Variants in FSTL5 observed in about 807,000 individuals in gnomAD.
FSTL5 encodes the protein follistatin like 5, also known as follistatin-related protein 5.
In FSTL5, 62 loss-of-function variants were observed where a neutral mutation model predicts 89.1. That is an observed-to-expected ratio of 0.70 (90% CI 0.57 to 0.86). FSTL5 has a LOEUF of 0.86. FSTL5 is among the 40% of genes least tolerant of loss of function. The pLI is 0.00. For synonymous variants in FSTL5, 383 were observed against 346.2 expected, an observed-to-expected ratio of 1.11 and a Z score of -1.18; for missense variants, 1,057 against 1,001.6, an observed-to-expected ratio of 1.06 and a Z score of -0.75.
intron 6 of FSTL5, among the ~76,000 whole-genome samples, chr4:161,742,619 A>C (rs1740065359): frequency 6.6e-6 from 1 of 152,218 alleles, no homozygotes; most frequent in African/African-American, 2.4e-5. Flanking sequence ...AATGGCAGTG[A>C]CGCGCCAGAA....
chr4:161,563,892 T>C (rs1316954847), intron 8 of FSTL5, among the ~76,000 whole-genome samples: 1 of 151,980 alleles, frequency 6.6e-6, no homozygotes, highest in African/African-American at 2.4e-5. Context: ...CCTTACTACA[T>C]GTAATTAAGC....
intron 6 of FSTL5, among the ~76,000 whole-genome samples, chr4:161,691,768 C>A (rs1737951902): frequency 6.6e-6 from 1 of 151,954 alleles, no homozygotes; most frequent in Non-Finnish European, 1.5e-5. Flanking sequence ...ATATTTTATT[C>A]TTTTAGATAC....
chr4:161,556,809 G>A lies in FSTL5; in HGVS notation c.1016-14116C>T, dbSNP rs1221132624. On this transcript the variant is annotated intron_variant, in intron 8 of 15. Transcript: ENST00000306100. ...TATACAAACTTAGTTCGTATTTCTC[G>A]GTAAAAGATTATATATATATGTGTG... Among the ~76,000 whole-genome samples, 5 of 138,318 alleles carry A rather than the reference G, an allele frequency of 3.6e-5. No individual in the cohort carries two copies. In the East Asian group the frequency reaches 8.0e-4, roughly 22 times the overall value. The allele number at this position is 138,318 out of a possible 152,430, so 90.7% of individuals were successfully genotyped here. A position where few individuals can be genotyped will look rare whatever the true frequency, so the allele number is the denominator to read the frequency against.
At chr4:161,882,926 G>A (rs1732681114) in intron 4 of FSTL5, among the ~76,000 whole-genome samples, 1 of 152,036 alleles carries the variant, frequency 6.6e-6, no homozygotes, top group Non-Finnish European at 1.5e-5. Flanking sequence ...GAATAGTTTG[G>A]ATTTATTTTA....
At chr4:161,992,372 T>G (rs1453779715) in intron 3 of FSTL5, among the ~76,000 whole-genome samples, 1 of 152,046 alleles carries the variant, frequency 6.6e-6, no homozygotes. Flanking sequence ...TTTGAATATG[T>G]TTTGAAGGTA....
At chr4:161,489,386 C>A (rs1729789609) in intron 12 of FSTL5, among the ~76,000 whole-genome samples, 1 of 151,336 alleles carries the variant, frequency 6.6e-6, no homozygotes, top group Admixed American at 6.6e-5. Flanking sequence ...GAGTTAGGTC[C>A]AAAAAATAGA....
intron 4 of FSTL5, among the ~76,000 whole-genome samples, chr4:161,871,712 A>G (rs1291192973): frequency 6.6e-6 from 1 of 152,160 alleles, no homozygotes; most frequent in Non-Finnish European, 1.5e-5. Flanking sequence ...TTCTTTTCCA[A>G]ACTGATTTAT....
chr4:161,997,697 C>T (rs1344416593), intron 3 of FSTL5, among the ~76,000 whole-genome samples: 2 of 151,510 alleles, frequency 1.3e-5, no homozygotes, highest in Non-Finnish European at 2.9e-5. Flanking sequence ...CTCCGCCTCC[C>T]GGGTGCACGC....
chr4:161,425,217 G>A (rs552829439), intron 15 of FSTL5, among the ~76,000 whole-genome samples: 1 of 152,198 alleles, frequency 6.6e-6, no homozygotes, highest in Non-Finnish European at 1.5e-5. Context: ...ATTATATGCT[G>A]TTAAAAGTTT....
chr4:161,542,991 T>C (rs1731884182), intron 8 of FSTL5, among the ~76,000 whole-genome samples: 1 of 151,652 alleles, frequency 6.6e-6, no homozygotes, highest in Non-Finnish European at 1.5e-5. Flanking sequence ...CAGAAACCAG[T>C]TAAAAGAGAC....
rs1491313878 is a variant in FSTL5, at chr4:161,872,140, G to GTTTT, written c.409+48263_409+48264insAAAA. ...GGCTTTGTAGTTTGTTTTTTTTTTT[G>GTTTT]GTTTTTTTTTTTTTTTTTGTAGAGA... On this transcript the variant is annotated intron_variant, in intron 4 of 15. Coordinates refer to ENST00000306100, the MANE Select transcript of FSTL5 (RefSeq NM_020116.5). Among the ~76,000 whole-genome samples the GTTTT allele has an allele frequency of 2.8e-3, 187 of 67,460 alleles. 4 individuals carry two copies. Among genetic ancestry groups the GTTTT allele is most frequent in the East Asian group, 5.6e-3 (11 of 1,980 alleles). The allele number at this position is 67,460 out of a possible 152,430, so 44.3% of individuals were successfully genotyped here.
intron 3 of FSTL5, among the ~76,000 whole-genome samples, chr4:161,927,920 C>T (rs914265041): frequency 6.6e-6 from 1 of 151,552 alleles, no homozygotes; most frequent in African/African-American, 2.4e-5. Context: ...CCCATATATT[C>T]CCTTCCCACA....
chr4:161,973,977 G>A (rs1350362698), intron 3 of FSTL5, among the ~76,000 whole-genome samples: 2 of 152,020 alleles, frequency 1.3e-5, no homozygotes, highest in Non-Finnish European at 1.5e-5. Context: ...GACAAACAGA[G>A]AGCCAAATCA....
chr4:161,572,728 C>G (rs1459401441), intron 8 of FSTL5, among the ~76,000 whole-genome samples: 1 of 152,030 alleles, frequency 6.6e-6, no homozygotes, highest in Non-Finnish European at 1.5e-5. Flanking sequence ...TAGCATTGTC[C>G]TATGTGATAC....
intron 8 of FSTL5, among the ~76,000 whole-genome samples, chr4:161,550,281 C>T (rs1732154274): frequency 6.6e-6 from 1 of 151,882 alleles, no homozygotes; most frequent in South Asian, 2.1e-4. Context: ...ACAATATACA[C>T]AAGCTTGCAC....
chr4:161,715,153 A>G (rs6852789), intron 6 of FSTL5, among the ~76,000 whole-genome samples: 84,504 of 152,004 alleles, frequency 0.56, 27,042 homozygotes, highest in Non-Finnish European at 0.71. Context: ...AGAAAAACAA[A>G]TACTGAAAAA....
At chr4:161,686,572 G>C (rs1007705542) in intron 6 of FSTL5, among the ~76,000 whole-genome samples, 2 of 150,666 alleles carry the variant, frequency 1.3e-5, no homozygotes, top group Admixed American at 1.3e-4. Context: ...GTGTTATCCA[G>C]GACGGTCTCG....
Position 161,384,585 on chromosome 4 carries a change from G to A in FSTL5, c.*1162C>T, listed in dbSNP as rs568287337. The A allele has an allele frequency of 2.6e-4, 40 of 152,176 alleles. No homozygotes were observed. Among genetic ancestry groups the A allele is most frequent in the African/African-American group, 8.9e-4 (37 of 41,548 alleles). The allele number at this position is 152,176 out of a possible 1,614,324, so 9.4% of individuals were successfully genotyped here. On this transcript the variant is annotated 3_prime_UTR_variant, in exon 16 of 16. Coordinates refer to ENST00000306100, the MANE Select transcript of FSTL5 (RefSeq NM_020116.5). ...ATGCTTTTAGGATTACAAGAAGATG[G>A]ATAAAAGGAATCATTTGTGGAAATT...
chr4:161,791,861 T>C (rs541673778), intron 4 of FSTL5, among the ~76,000 whole-genome samples: 2 of 152,310 alleles, frequency 1.3e-5, no homozygotes, highest in Admixed American at 1.3e-4. Flanking sequence ...CAACAGCCCA[T>C]CTGGAGCAGC....
Sources: allele counts gnomAD v4.1 joint callset (sites outside exome capture counted in the v4.1 genomes callset), GRCh38; gene constraint gnomAD v4.1.1; transcripts MANE v1.5; gene names NCBI Gene and HGNC (gene_info 2026-07-23, HGNC 2026-07-21).